The following REDIC1 variants were observed in gnomAD, a reference collection of about 807,000 sequenced individuals.
The protein encoded by REDIC1 is regulator of DNA class I crossover intermediates 1.
chr12:39,824,244 T>A, the REDIC1 span, among the ~76,000 whole-genome samples: 1 of 152,348 alleles, frequency 6.6e-6, no homozygotes, highest in East Asian at 1.9e-4. Context: ...CCTAGTTAAC[T>A]GGCTTCCCCA....
At chr12:39,837,501 A>C in the REDIC1 span, among the ~76,000 whole-genome samples, 803 of 140,588 alleles carry the variant, frequency 5.7e-3, 10 homozygotes, top group African/African-American at 0.02. Flanking sequence ...GGATCTAATT[A>C]AACTAAAGAG....
the REDIC1 span, among the ~76,000 whole-genome samples, chr12:39,713,346 G>C: frequency 4.2e-5 from 5 of 117,956 alleles, no homozygotes; most frequent in African/African-American, 1.6e-4. Flanking sequence ...GTGTATATAT[G>C]TGTATACACA....
the REDIC1 span, among the ~76,000 whole-genome samples, chr12:39,768,601 G>A: frequency 6.6e-6 from 1 of 152,070 alleles, no homozygotes; most frequent in Non-Finnish European, 1.5e-5. Context: ...CCAGGAGAGG[G>A]AGACAAAGAA....
At chr12:39,765,568 C>CTCTA in the REDIC1 span, among the ~76,000 whole-genome samples, 1 of 152,006 alleles carries the variant, frequency 6.6e-6, no homozygotes, top group Non-Finnish European at 1.5e-5. Context: ...CTCCTTCAAC[C>CTCTA]TCTATCTTTG....
At chr12:39,684,251 G>C in the REDIC1 span, 1 of 984,352 alleles carries the variant, frequency 1.0e-6, no homozygotes, top group Non-Finnish European at 1.2e-6. Context: ...GCAATTATAA[G>C]TAACTAAAGA....
At chr12:39,886,250 T>A in the REDIC1 span, among the ~76,000 whole-genome samples, 1 of 152,092 alleles carries the variant, frequency 6.6e-6, no homozygotes, top group Non-Finnish European at 1.5e-5. Context: ...TATTAAATAG[T>A]AAATTAGGCT....
chr12:39,679,494 A>G, the REDIC1 span, among the ~76,000 whole-genome samples: 1 of 152,230 alleles, frequency 6.6e-6, no homozygotes, highest in South Asian at 2.1e-4. Context: ...GAAATCATAG[A>G]TGACACAAAC....
the REDIC1 span, among the ~76,000 whole-genome samples, chr12:39,712,029 C>CACGTATATATACCTACCTGT: frequency 8.8e-6 from 1 of 113,290 alleles, no homozygotes; most frequent in Non-Finnish European, 1.8e-5. Flanking sequence ...TGTATATATA[C>CACGTATATATACCTACCTGT]ATGTATATAT....
chr12:39,728,870 T>C, the REDIC1 span, among the ~76,000 whole-genome samples: 9,265 of 150,598 alleles, frequency 0.062, 1,000 homozygotes, highest in African/African-American at 0.22. Context: ...ATTCAACTTC[T>C]TCCTGATTTG....
the REDIC1 span, among the ~76,000 whole-genome samples, chr12:39,858,152 C>G: frequency 6.6e-6 from 1 of 152,170 alleles, no homozygotes; most frequent in Admixed American, 6.5e-5. Context: ...GAATCCTCTC[C>G]AGGTGTCAAA....
At chr12:39,697,023 G>A in the REDIC1 span, among the ~76,000 whole-genome samples, 1 of 152,112 alleles carries the variant, frequency 6.6e-6, no homozygotes, top group African/African-American at 2.4e-5. Flanking sequence ...GAAGGTTATA[G>A]AACACCTAGC....
the REDIC1 span, among the ~76,000 whole-genome samples, chr12:39,798,504 G>C: frequency 6.6e-6 from 1 of 152,318 alleles, no homozygotes; most frequent in Middle Eastern, 3.4e-3. Context: ...AGATCCCCAA[G>C]TAACTATTAA....
At chr12:39,830,564 A>C in the REDIC1 span, 4 of 881,412 alleles carry the variant, frequency 4.5e-6, no homozygotes, top group African/African-American at 7.0e-5. Context: ...CAAACTGTAG[A>C]CTGCCTCATT....
the REDIC1 span, among the ~76,000 whole-genome samples, chr12:39,761,729 C>A: frequency 1.3e-5 from 2 of 151,636 alleles, no homozygotes; most frequent in African/African-American, 4.8e-5. Context: ...CAGGGAGGGA[C>A]AAAGACGGGA....
the REDIC1 span, among the ~76,000 whole-genome samples, chr12:39,774,810 T>A: frequency 1.3e-5 from 2 of 152,176 alleles, no homozygotes; most frequent in East Asian, 3.8e-4. Flanking sequence ...TCATTGCATC[T>A]AAACTCCTTA....
the REDIC1 span, chr12:39,830,042 T>C: frequency 6.2e-7 from 1 of 1,606,232 alleles, no homozygotes; most frequent in South Asian, 1.1e-5. Context: ...TCTGAAAACT[T>C]AAACATAAGC....
chr12:39,821,924 T>C, the REDIC1 span, among the ~76,000 whole-genome samples: 3 of 152,190 alleles, frequency 2.0e-5, no homozygotes, highest in Non-Finnish European at 4.4e-5. Context: ...ATTATTAATT[T>C]TTTTATTATT....
the REDIC1 span, among the ~76,000 whole-genome samples, chr12:39,702,110 A>T: frequency 3.9e-5 from 6 of 152,226 alleles, no homozygotes; most frequent in Non-Finnish European, 7.3e-5. Context: ...TGAAGGAAAT[A>T]GAGACACAAA....
chr12:39,847,678 C>T, the REDIC1 span, among the ~76,000 whole-genome samples: 10 of 152,016 alleles, frequency 6.6e-5, no homozygotes, highest in African/African-American at 2.2e-4. Context: ...CAACTCCTTA[C>T]CCTTGAGTTT....
Sources: gnomAD v4.1 joint callset for allele counts (sites outside exome capture counted in the v4.1 genomes callset) on GRCh38, gnomAD v4.1.1 for gene constraint, MANE v1.5 for transcripts, NCBI Gene and HGNC (gene_info 2026-07-23, HGNC 2026-07-21) for gene names.